AK2: variants seen among roughly 807,000 people sequenced by gnomAD.
AK2 encodes adenylate kinase 2, also known as adenylate kinase 2, mitochondrial.
Under a neutral mutation model 24.6 loss-of-function variants are expected in AK2, and 15 were observed. That is an observed-to-expected ratio of 0.61 (90% CI 0.41 to 0.94). The LOEUF (loss-of-function observed/expected upper bound fraction) is 0.94, where lower values mean the gene tolerates loss of function less well. Ranked by LOEUF, AK2 falls within the 40% of genes least tolerant of loss-of-function variation. The pLI is 0.00. For synonymous variants in AK2, 102 were observed against 114.0 expected (o/e 0.90, Z 0.67); for missense variants, 257 against 304.1 (o/e 0.85, Z 1.15).
At chr1:33,031,014 T>C (rs1302263797) in intron 1 of AK2, 1 of 152,160 alleles carries the variant, frequency 6.6e-6, no homozygotes, top group Non-Finnish European at 1.5e-5. Context: ...ATAGCTTAAG[T>C]TGTTTTTTTT....
rs1368765481 is a variant in AK2 at position 33,024,231 on chromosome 1, G to C, written c.219+211C>G. On this transcript the variant is annotated intron_variant, in intron 2 of 5. Coordinates refer to ENST00000672715, the MANE Select transcript of AK2 (RefSeq NM_001625.4). ...TTTGTTAAAACACCCTCTAGCACAT[G>C]GTTGTTCAACAGAATTTTGTTTGAT... 4.5e-6 allele frequency: 3 copies of C among 664,052 alleles called. No homozygotes were observed. In the Admixed American group the frequency reaches 8.3e-5, roughly 18 times the overall value. 41.1% of individuals were successfully genotyped at this position (664,052 alleles called of 1,614,324 possible).
intron 5 of AK2, among the ~76,000 whole-genome samples, chr1:33,013,615 T>C (rs894740291): frequency 4.6e-5 from 7 of 151,890 alleles, no homozygotes; most frequent in African/African-American, 1.7e-4. Context: ...AGTCAGAGAG[T>C]TTGTCAGAAA....
intron 4 of AK2, among the ~76,000 whole-genome samples, chr1:33,016,368 A>C (rs1034072291): frequency 2.6e-5 from 4 of 151,224 alleles, no homozygotes; most frequent in Admixed American, 2.6e-4. Flanking sequence ...CCCACCACCA[A>C]GCCTGGCTAA....
Position 33,010,259 on chromosome 1 carries a change from C to T in AK2, c.*2922G>A, listed in dbSNP as rs1408382507. On this transcript the variant is annotated 3_prime_UTR_variant, in exon 6 of 6. Coordinates refer to ENST00000672715, the MANE Select transcript of AK2 (RefSeq NM_001625.4). ...TCAGCCTCCCTTTCCATTTCATTCC[C>T]TTCCCCCTCCCCTTGATTCCAGTTT... 4.4e-6 allele frequency: 2 copies of T among 454,694 alleles called. No homozygotes were observed. Among genetic ancestry groups the T allele is most frequent in the Non-Finnish European group, 8.8e-6 (2 of 227,126 alleles). 28.2% of individuals were successfully genotyped at this position (454,694 alleles called of 1,614,324 possible).
rs1432390438 is a variant in AK2, at chr1:33,008,983, G to A, written c.*4198C>T. 2.2e-6 allele frequency: 1 copy of A among 454,074 alleles called. No individual in the cohort carries two copies. The highest frequency in any genetic ancestry group is 2.0e-5 in the African/African-American group (1 of 50,100). 28.1% of individuals were successfully genotyped at this position (454,074 alleles called of 1,614,324 possible). ...ATTAGATGCATGATGACCAAGGGAG[G>A]AAAGAAAATTTTCACAGGGTATTTA... On this transcript the variant is annotated 3_prime_UTR_variant, in exon 6 of 6. Coordinates refer to ENST00000672715, the MANE Select transcript of AK2 (RefSeq NM_001625.4).
At chr1:33,036,275 C>T (rs909580383) in intron 1 of AK2, among the ~76,000 whole-genome samples, 4 of 152,144 alleles carry the variant, frequency 2.6e-5, no homozygotes, top group African/African-American at 9.7e-5. Flanking sequence ...CTTCTCCTCC[C>T]CTCCCCCTAA....
Position 33,012,884 on chromosome 1 carries a change from C to A in AK2, c.*297G>T, listed in dbSNP as rs995782441. On this transcript the variant is annotated 3_prime_UTR_variant, in exon 6 of 6. Transcript: ENST00000672715. ...CTGCACTCCAGCCAGGGTGGCAGAG[C>A]GAAACCTTGTCTCAAAACAACAACA... 14 of 1,336,818 alleles carry A rather than the reference C, an allele frequency of 1.0e-5. No homozygotes were observed. Among genetic ancestry groups the A allele is most frequent in the African/African-American group, 1.5e-5 (1 of 67,724 alleles). The allele number at this position is 1,336,818 out of a possible 1,614,324, so 82.8% of individuals were successfully genotyped here.
At chr1:33,019,928 C>G (rs952967299) in intron 4 of AK2, 2 of 1,404,918 alleles carry the variant, frequency 1.4e-6, no homozygotes, top group East Asian at 2.7e-5. Context: ...AGATGGTTGG[C>G]TGACCACTTT....
chr1:33,012,015 T>G lies in AK2; in HGVS notation c.*1166A>C. 6.5e-7 allele frequency: 1 copy of G among 1,535,154 alleles called. No individual in the cohort carries two copies. The highest frequency in any genetic ancestry group is 8.7e-7 in the Non-Finnish European group (1 of 1,146,690). ...ATGAATCCAAGAATAGATCACACAC[T>G]GTTTTGTTCACACTTGGAAACACAG... On this transcript the variant is annotated 3_prime_UTR_variant, in exon 6 of 6. Coordinates refer to ENST00000672715, the MANE Select transcript of AK2 (RefSeq NM_001625.4).
chr1:33,010,782 G>A lies in AK2; in HGVS notation c.*2399C>T, dbSNP rs757543230. 2.8e-5 allele frequency: 46 copies of A among 1,614,130 alleles called. No homozygotes were observed. The South Asian group carries it at 4.0e-4, about 14-fold the overall frequency. On this transcript the variant is annotated 3_prime_UTR_variant, in exon 6 of 6. Transcript: ENST00000672715. ...CCCAGCACCTAAGAGCAGGGATCAC[G>A]CCGCGGGGTGATGAGCAGTGTTGCA...
intron 1 of AK2, chr1:33,032,305 G>A (rs756969746): frequency 9.2e-5 from 14 of 152,304 alleles, no homozygotes; most frequent in Admixed American, 6.5e-4. Context: ...AACTGCAAGT[G>A]ACTGCTGCCA....
intron 1 of AK2, among the ~76,000 whole-genome samples, chr1:33,035,564 G>A (rs1640527428): frequency 6.6e-6 from 1 of 152,212 alleles, no homozygotes; most frequent in South Asian, 2.1e-4. Flanking sequence ...AAGAGCCAGA[G>A]GCTTAGGGCC....
In AK2 at chr1:33,013,309, T is replaced by A; in HGVS notation, c.592A>T (p.Ile198Leu). 10 of 1,614,116 alleles carry A rather than the reference T, an allele frequency of 6.2e-6. No homozygotes were observed. The highest frequency in any genetic ancestry group is 8.5e-6 in the Non-Finnish European group (10 of 1,179,984). The change falls in exon 6 of 6, where the codon ATA becomes TTA. Residue 198 changes from isoleucine (I) to leucine (L), a missense_variant. Transcript: ENST00000672715. Reference sequence around the variant, plus strand: ...ATCCCCCGTTTCCTGTAGTACTCTATGAGTGGGGTGGTTTGAGTGTGGTAG... The same window carrying A: ...ATCCCCCGTTTCCTGTAGTACTCTAAGAGTGGGGTGGTTTGAGTGTGGTAG... ...QAYHTQTTPL[I>L]EYYRKRGIHS... is the part of the protein sequence containing the mutation.
chr1:33,020,998 T>C (rs1426501376), intron 4 of AK2, among the ~76,000 whole-genome samples: 3 of 151,840 alleles, frequency 2.0e-5, no homozygotes, highest in Non-Finnish European at 4.4e-5. Flanking sequence ...ACAAAAAAAT[T>C]AGCCAGCCCT....
intron 1 of AK2, among the ~76,000 whole-genome samples, chr1:33,033,580 A>AT (rs1009289907): frequency 4.6e-5 from 7 of 152,182 alleles, no homozygotes; most frequent in African/African-American, 9.7e-5. Flanking sequence ...AAAATTGTTG[A>AT]TTTTTTAAAG....
chr1:33,011,292 A>G lies in AK2; in HGVS notation c.*1889T>C. 7.7e-7 allele frequency: 1 copy of G among 1,291,852 alleles called. No homozygotes were observed. The highest frequency in any genetic ancestry group is 1.0e-6 in the Non-Finnish European group (1 of 991,998). 80.0% of individuals were successfully genotyped at this position (1,291,852 alleles called of 1,614,324 possible). ...GAAGGATCCCAGACCAGGCACACAT[A>G]GCTGACAGTTTTTGTTTCACTCCTC... On this transcript the variant is annotated 3_prime_UTR_variant, in exon 6 of 6. Coordinates refer to ENST00000672715, the MANE Select transcript of AK2 (RefSeq NM_001625.4).
chr1:33,024,852 C>T (rs1639773695), intron 1 of AK2, among the ~76,000 whole-genome samples: 1 of 152,196 alleles, frequency 6.6e-6, no homozygotes, highest in Non-Finnish European at 1.5e-5. Flanking sequence ...TATTTCCACT[C>T]AACACACTAG....
chr1:33,020,177 A>G, intron 4 of AK2: 1 of 1,439,506 alleles, frequency 6.9e-7, no homozygotes, highest in Non-Finnish European at 9.3e-7. Flanking sequence ...ACAGAGAAAC[A>G]AACATGTTAA....
Position 33,012,333 on chromosome 1 carries a change from T to C in AK2, c.*848A>G. 6.5e-7 allele frequency: 1 copy of C among 1,531,024 alleles called. No individual in the cohort carries two copies. The highest frequency in any genetic ancestry group is 2.5e-5 in the East Asian group (1 of 40,752). 94.8% of individuals were successfully genotyped at this position (1,531,024 alleles called of 1,614,324 possible). ...GTAACCTGCAAAGTAAGTGCCTTTT[T>C]CCTTCCACCTAGGGGGAAAAAATTA... is the stretch of plus-strand genomic sequence containing the variant. On this transcript the variant is annotated 3_prime_UTR_variant, in exon 6 of 6. Coordinates refer to ENST00000672715, the MANE Select transcript of AK2 (RefSeq NM_001625.4).
Sources: allele counts gnomAD v4.1 joint callset (sites outside exome capture counted in the v4.1 genomes callset), GRCh38; gene constraint gnomAD v4.1.1; transcripts MANE v1.5; gene names NCBI Gene and HGNC (gene_info 2026-07-23, HGNC 2026-07-21).